Variants in TGDS observed in about 807,000 individuals in gnomAD.
The protein encoded by TGDS is UDP-D-glucose 4,6-dehydratase.
Under a neutral mutation model 52.3 loss-of-function variants are expected in TGDS, and 47 were observed. That is an observed-to-expected ratio of 0.90 (90% CI 0.71 to 1.15). TGDS has a LOEUF of 1.15. Ranked by LOEUF, TGDS falls within the 50% of genes most tolerant of loss-of-function variation. The probability of loss-of-function intolerance (pLI) is 0.00; values close to 1 mark genes in which losing one functional copy is unlikely to be tolerated. For synonymous variants in TGDS, 115 were observed against 136.9 expected (o/e 0.84, Z 1.12); for missense variants, 375 against 418.4 (o/e 0.90, Z 0.90).
At chr13:94,593,146 C>G (rs1395044072) in intron 2 of TGDS, among the ~76,000 whole-genome samples, 1 of 151,822 alleles carries the variant, frequency 6.6e-6, no homozygotes, top group Non-Finnish European at 1.5e-5. Context: ...GAGTGAGAGT[C>G]CATTTCAAAG....
intron 7 of TGDS, 107 bp from the exon 8 acceptor site, chr13:94,578,880 C>T: frequency 3.3e-6 from 2 of 605,486 alleles, no homozygotes; most frequent in South Asian, 5.4e-5. Context: ...ATATGGATTG[C>T]TTCTAATTAT....
chr13:94,578,773 C>A lies in TGDS; in HGVS notation c.616G>T (p.Val206Phe). 1 of 1,491,126 alleles carries A rather than the reference C, an allele frequency of 6.7e-7. No homozygotes were observed. Among genetic ancestry groups the A allele is most frequent in the Non-Finnish European group, 9.3e-7 (1 of 1,074,554 alleles). 92.4% of individuals were successfully genotyped at this position (1,491,126 alleles called of 1,614,324 possible). The change falls in exon 8 of 12, where the codon GTT becomes TTT. Residue 206 changes from valine (V) to phenylalanine (F), a missense_variant and splice_region_variant. Physicochemically the swap from Val to Phe is conservative, Grantham distance 50 (BLOSUM62 -1). Coordinates refer to ENST00000261296, the MANE Select transcript of TGDS (RefSeq NM_014305.4). ...VYGPHQYPEK[V>F]IPKFISLLQH... ...AGCAAAGATATAAATTTTGGAATAA[C>A]CTAAAAGAATATTTAAATATCATTT...
chr13:94,589,150 C>CA (rs1203488276), intron 4 of TGDS, among the ~76,000 whole-genome samples: 2 of 151,860 alleles, frequency 1.3e-5, no homozygotes, highest in Non-Finnish European at 2.9e-5. Flanking sequence ...AACACACTGT[C>CA]AAAAAAGTGA....
chr13:94,581,546 C>A (rs1888795451), intron 5 of TGDS, among the ~76,000 whole-genome samples: 1 of 152,154 alleles, frequency 6.6e-6, no homozygotes, highest in African/African-American at 2.4e-5. Flanking sequence ...CAGAGTAATG[C>A]CAGGTCTGAC....
Position 94,574,766 on chromosome 13 carries a change from AC to A in TGDS, c.*15del, listed in dbSNP as rs1408439659. 1 of 1,542,660 alleles carries A rather than the reference AC, an allele frequency of 6.5e-7. No homozygotes were observed. Among genetic ancestry groups the A allele is most frequent in the African/African-American group, 1.4e-5 (1 of 72,584 alleles). ...ACTTTCTTCTTTGACAACTGTCTCG[AC>A]TATATAAATGGTGATTATACCGGAA... On this transcript the variant is annotated 3_prime_UTR_variant, in exon 12 of 12. Coordinates refer to ENST00000261296, the MANE Select transcript of TGDS (RefSeq NM_014305.4).
chr13:94,587,100 A>G (rs552634121), intron 4 of TGDS, among the ~76,000 whole-genome samples: 3 of 152,298 alleles, frequency 2.0e-5, no homozygotes, highest in Middle Eastern at 3.4e-3. Context: ...GAAAAAATAC[A>G]TATGAAAACC....
intron 5 of TGDS, among the ~76,000 whole-genome samples, chr13:94,582,320 T>C (rs1228616054): frequency 2.0e-5 from 3 of 152,218 alleles, no homozygotes; most frequent in Non-Finnish European, 2.9e-5. Flanking sequence ...GCCTAACTTA[T>C]GCTTTGGTCC....
At chr13:94,596,246 G>C, upstream of TGDS, 3 of 1,168,348 alleles carry the variant, frequency 2.6e-6, no homozygotes, top group Admixed American at 2.5e-5. Flanking sequence ...CGTTAACAGA[G>C]CAGCCAGAGG....
At chr13:94,589,807 C>G (rs1889127880) in intron 4 of TGDS, among the ~76,000 whole-genome samples, 1 of 152,134 alleles carries the variant, frequency 6.6e-6, no homozygotes, top group African/African-American at 2.4e-5. Context: ...TCTGGAGCAA[C>G]AGGAAGTCAC....
Position 94,574,834 on chromosome 13 carries a change from TTC to T in TGDS, c.999_1000del (p.Asn334PhefsTer54), listed in dbSNP as rs1888539159. ...TTCCACATTCTTCCAGTTGTGAAAATTCTCTCTGTACCATTCAACTAATAGGA... is the reference window on the plus strand; with the variant it reads ...TTCCACATTCTTCCAGTTGTGAAAATTCTCTGTACCATTCAACTAATAGGA... On this transcript the variant is annotated frameshift_variant, in exon 12 of 12. Transcript: ENST00000261296. LOFTEE classifies it high-confidence loss of function. 2 of 1,602,390 alleles carry T rather than the reference TTC, an allele frequency of 1.2e-6. No individual in the cohort carries two copies. The highest frequency in any genetic ancestry group is 1.7e-4 in the Middle Eastern group (1 of 6,052).
chr13:94,577,612 T>C (rs1450519282), intron 9 of TGDS, among the ~76,000 whole-genome samples, 183 bp from the exon 10 acceptor site: 1 of 152,208 alleles, frequency 6.6e-6, no homozygotes, highest in African/African-American at 2.4e-5. Context: ...AGCTCAGATA[T>C]ACACATTGGA....
intron 4 of TGDS, 64 bp from the exon 5 acceptor site, chr13:94,583,300 T>C: frequency 6.5e-7 from 1 of 1,547,690 alleles, no homozygotes; most frequent in Non-Finnish European, 8.7e-7. Context: ...TGCCAAATGA[T>C]GGACTCAGGT....
At chr13:94,590,667 T>G (rs1433976351) in intron 4 of TGDS, among the ~76,000 whole-genome samples, 186 bp downstream of exon 4, 2 of 152,178 alleles carry the variant, frequency 1.3e-5, no homozygotes, top group African/African-American at 4.8e-5. Flanking sequence ...AAGGTTGTAT[T>G]TCACTAATAT....
At chr13:94,587,342 T>C (rs578217489) in intron 4 of TGDS, among the ~76,000 whole-genome samples, 1 of 152,188 alleles carries the variant, frequency 6.6e-6, no homozygotes, top group Non-Finnish European at 1.5e-5. Flanking sequence ...GATTGTTTTT[T>C]TGGAACAACA....
intron 3 of TGDS, among the ~76,000 whole-genome samples, chr13:94,591,512 G>A (rs1889202158): frequency 6.6e-6 from 1 of 152,184 alleles, no homozygotes; most frequent in Non-Finnish European, 1.5e-5. Flanking sequence ...AGAATTGCTT[G>A]AACCCCGGAG....
intron 6 of TGDS, among the ~76,000 whole-genome samples, chr13:94,580,389 A>C (rs948345933): frequency 5.3e-5 from 8 of 152,242 alleles, no homozygotes; most frequent in Non-Finnish European, 7.3e-5. Context: ...GGGAATCTTT[A>C]GGAATTCCAA....
intron 5 of TGDS, 41 bp downstream of exon 5, chr13:94,583,053 T>A: frequency 6.3e-7 from 1 of 1,599,830 alleles, no homozygotes; most frequent in Non-Finnish European, 8.5e-7. Context: ...TGTATCATGG[T>A]ACATGGTTAA....
In TGDS at chr13:94,580,023, G is replaced by C. The variant is rs1594441744; in HGVS notation, c.556-70C>G. The C allele has an allele frequency of 4.7e-6, 5 of 1,067,182 alleles. No individual in the cohort carries two copies. The East Asian group carries it at 1.3e-4, about 28-fold the overall frequency. 66.1% of individuals were successfully genotyped at this position (1,067,182 alleles called of 1,614,324 possible). A position where few individuals can be genotyped will look rare whatever the true frequency, so the allele number is the denominator to read the frequency against. On this transcript the variant is annotated intron_variant, in intron 6 of 11. Coordinates refer to ENST00000261296, the MANE Select transcript of TGDS (RefSeq NM_014305.4). ...ATAATGATTATTTTAAAGATAAGCA[G>C]AATTTCAAAATATGGGCACCTTTGC...
At chr13:94,577,451 T>C (rs780019111) in intron 9 of TGDS, 22 bp from the exon 10 acceptor site, 1 of 1,538,546 alleles carries the variant, frequency 6.5e-7, no homozygotes, top group Admixed American at 2.3e-5. Flanking sequence ...GAAAAAGCTT[T>C]TGAGTCAAAT....
Sources: allele counts gnomAD v4.1 joint callset (sites outside exome capture counted in the v4.1 genomes callset), GRCh38; gene constraint gnomAD v4.1.1; transcripts MANE v1.5; gene names NCBI Gene and HGNC (gene_info 2026-07-23, HGNC 2026-07-21).